The following SLC24A3 variants were observed in gnomAD, a reference collection of about 807,000 sequenced individuals.
The protein encoded by SLC24A3 is solute carrier family 24 member 3, also known as sodium/potassium/calcium exchanger 3.
A neutral mutation model predicts 75.8 loss-of-function variants in SLC24A3; 28 were observed. The ratio of observed to expected loss-of-function variants is 0.37; its 90% confidence interval spans 0.27 to 0.51. The LOEUF is 0.51. SLC24A3 is among the 20% of genes least tolerant of loss of function. The probability of loss-of-function intolerance (pLI) is 0.94; values close to 1 mark genes in which losing one functional copy is unlikely to be tolerated. For synonymous variants in SLC24A3, 372 were observed against 334.1 expected (o/e 1.11, Z -1.24); for missense variants, 663 against 847.8 (o/e 0.78, Z 2.71).
At chr20:19,476,022 T>C (rs976308399) in intron 2 of SLC24A3, among the ~76,000 whole-genome samples, 1 of 152,204 alleles carries the variant, frequency 6.6e-6, no homozygotes, top group Non-Finnish European at 1.5e-5. Flanking sequence ...TAGCAAAGCA[T>C]GTGGGAAAAT....
intron 3 of SLC24A3, among the ~76,000 whole-genome samples, chr20:19,543,375 A>G (rs1291404083): frequency 1.3e-5 from 2 of 152,214 alleles, no homozygotes; most frequent in African/African-American, 4.8e-5. Flanking sequence ...CGTGTCACAG[A>G]CAATGTTGGC....
At chr20:19,276,980 T>G (rs1162767355) in intron 1 of SLC24A3, among the ~76,000 whole-genome samples, 1 of 152,234 alleles carries the variant, frequency 6.6e-6, no homozygotes, top group Non-Finnish European at 1.5e-5. Flanking sequence ...GACTGTAATT[T>G]CTGAGGAAAC....
intron 3 of SLC24A3, among the ~76,000 whole-genome samples, chr20:19,526,656 T>TTGGGG (rs2030203924): frequency 6.6e-6 from 1 of 152,140 alleles, no homozygotes; most frequent in Non-Finnish European, 1.5e-5. Context: ...TCTCCCCCAC[T>TTGGGG]ATCAGAGGGT....
Position 19,539,570 on chromosome 20 carries a change from A to G in SLC24A3, c.348+24006A>G, listed in dbSNP as rs543068945. On this transcript the variant is annotated intron_variant, in intron 3 of 16. Coordinates refer to ENST00000328041, the MANE Select transcript of SLC24A3 (RefSeq NM_020689.4). ...TTTCTGCTCCATTTTACAGATTTAA[A>G]AAACTAAGATTCAGAGTGGACAGAT... Among the ~76,000 whole-genome samples the G allele has an allele frequency of 5.3e-5, 8 of 152,294 alleles. No individual in the cohort carries two copies. The South Asian group carries it at 1.7e-3, about 32-fold the overall frequency.
chr20:19,655,182 G>A (rs1354536411), intron 7 of SLC24A3, among the ~76,000 whole-genome samples: 1 of 152,172 alleles, frequency 6.6e-6, no homozygotes, highest in Admixed American at 6.5e-5. Flanking sequence ...CGCAGCAGCT[G>A]CTGCAGTTCA....
intron 2 of SLC24A3, among the ~76,000 whole-genome samples, chr20:19,450,373 C>T (rs6035340): frequency 0.39 from 59,946 of 151,952 alleles, 12,005 homozygotes; most frequent in East Asian, 0.46. Context: ...TTCTCATTCT[C>T]GTTTCATCTC....
At chr20:19,426,738 C>G (rs1987012705) in intron 2 of SLC24A3, among the ~76,000 whole-genome samples, 1 of 152,048 alleles carries the variant, frequency 6.6e-6, no homozygotes, top group Non-Finnish European at 1.5e-5. Context: ...TGTATTGGTT[C>G]TCTTGGGGAA....
intron 2 of SLC24A3, among the ~76,000 whole-genome samples, chr20:19,345,170 A>G (rs1985362490): frequency 6.6e-6 from 1 of 152,222 alleles, no homozygotes; most frequent in Non-Finnish European, 1.5e-5. Context: ...TTGCTTTCCT[A>G]TATGCCAGGA....
intron 2 of SLC24A3, among the ~76,000 whole-genome samples, chr20:19,414,256 A>T (rs1465646515): frequency 6.6e-6 from 1 of 152,236 alleles, no homozygotes; most frequent in Non-Finnish European, 1.5e-5. Context: ...CAAGAGCCTT[A>T]AAACAGGTGG....
intron 2 of SLC24A3, among the ~76,000 whole-genome samples, chr20:19,464,014 A>C (rs1054406282): frequency 6.6e-6 from 1 of 152,234 alleles, no homozygotes; most frequent in African/African-American, 2.4e-5. Context: ...TGAAATACCA[A>C]GAATGAAATC....
intron 15 of SLC24A3, among the ~76,000 whole-genome samples, chr20:19,709,420 C>G (rs2032966644): frequency 6.6e-6 from 1 of 152,016 alleles, no homozygotes; most frequent in South Asian, 2.1e-4. Context: ...AGGACTCTTA[C>G]AAACATGGTA....
chr20:19,374,521 G>A (rs1986047158), intron 2 of SLC24A3, among the ~76,000 whole-genome samples: 1 of 152,180 alleles, frequency 6.6e-6, no homozygotes, highest in South Asian at 2.1e-4. Context: ...CTCTCCTGGA[G>A]TTCTGGGCAC....
intron 2 of SLC24A3, among the ~76,000 whole-genome samples, chr20:19,350,691 A>G (rs1293586226): frequency 1.3e-5 from 2 of 152,230 alleles, no homozygotes; most frequent in African/African-American, 2.4e-5. Context: ...AGGTAGACCA[A>G]TGTAGGCAGA....
At chr20:19,554,346 AT>A (rs1287073309) in intron 3 of SLC24A3, among the ~76,000 whole-genome samples, 9 of 152,044 alleles carry the variant, frequency 5.9e-5, no homozygotes, top group African/African-American at 2.2e-4. Context: ...AGAAGTAGAA[AT>A]TTTTTTCATT....
intron 2 of SLC24A3, among the ~76,000 whole-genome samples, chr20:19,498,160 A>G (rs546745770): frequency 1.3e-5 from 2 of 152,274 alleles, no homozygotes; most frequent in East Asian, 3.9e-4. Flanking sequence ...CATCACCCCC[A>G]GATGGGACTG....
At chr20:19,437,353 G>C (rs1365284734) in intron 2 of SLC24A3, among the ~76,000 whole-genome samples, 1 of 152,162 alleles carries the variant, frequency 6.6e-6, no homozygotes, top group Non-Finnish European at 1.5e-5. Flanking sequence ...CATTTGCCCT[G>C]CTGTCACTCA....
At chr20:19,462,671 T>A (rs1024157148) in intron 2 of SLC24A3, among the ~76,000 whole-genome samples, 1 of 152,140 alleles carries the variant, frequency 6.6e-6, no homozygotes, top group Admixed American at 6.5e-5. Flanking sequence ...GGAGTGGAGC[T>A]TTTGGGCTTC....
At chr20:19,640,525 A>C (rs887992595) in intron 6 of SLC24A3, among the ~76,000 whole-genome samples, 1 of 152,152 alleles carries the variant, frequency 6.6e-6, no homozygotes, top group African/African-American at 2.4e-5. Flanking sequence ...CAAGGAGGGC[A>C]GATCAGTTGA....
intron 2 of SLC24A3, among the ~76,000 whole-genome samples, chr20:19,292,191 CTT>C (rs1465744814): frequency 6.6e-6 from 1 of 152,180 alleles, no homozygotes; most frequent in African/African-American, 2.4e-5. Flanking sequence ...CGTGTCAAGT[CTT>C]TAACACACAG....
Sources: allele counts gnomAD v4.1 joint callset (sites outside exome capture counted in the v4.1 genomes callset), GRCh38; gene constraint gnomAD v4.1.1; transcripts MANE v1.5; gene names NCBI Gene and HGNC (gene_info 2026-07-23, HGNC 2026-07-21).